NRSN1: variants seen among roughly 807,000 people sequenced by gnomAD.
NRSN1 encodes neurensin 1, also known as neurensin-1.
In NRSN1, 14 loss-of-function variants were observed where a neutral mutation model predicts 17.3. The ratio of observed to expected loss-of-function variants is 0.81; its 90% confidence interval spans 0.54 to 1.27. The LOEUF (loss-of-function observed/expected upper bound fraction) is 1.27, where lower values mean the gene tolerates loss of function less well. NRSN1 is among the 50% of genes most tolerant of loss of function. The pLI, the probability that NRSN1 is intolerant of heterozygous loss-of-function variation, is 0.00. For missense variants in NRSN1, 209 were observed against 235.9 expected (o/e 0.89, Z 0.75); for synonymous variants, 79 against 94.2 (o/e 0.84, Z 0.93).
chr6:24,132,734 T>C (rs1760055323), intron 2 of NRSN1, among the ~76,000 whole-genome samples: 1 of 152,226 alleles, frequency 6.6e-6, no homozygotes, highest in African/African-American at 2.4e-5. Flanking sequence ...CGTACAGGCT[T>C]GTTACATAGG....
chr6:24,141,504 G>GC lies in NRSN1; in HGVS notation c.190-4040dup. ...TTCTCATTAAAGACTGGCATTAACA[G>GC]CCCCTTCAGAAGCCTTGAAGTCAGC... On this transcript the variant is annotated intron_variant, in intron 3 of 3. Coordinates refer to ENST00000378491, the MANE Select transcript of NRSN1 (RefSeq NM_080723.5). 1.2e-5 allele frequency: 2 copies of GC among 163,184 alleles called. 1 individual carries two copies. Among genetic ancestry groups the GC allele is most frequent in the East Asian group, 3.5e-4 (2 of 5,642 alleles). The allele number at this position is 163,184 out of a possible 1,614,324, so 10.1% of individuals were successfully genotyped here.
chr6:24,144,098 C>T (rs1202750967), intron 3 of NRSN1, among the ~76,000 whole-genome samples: 1 of 152,164 alleles, frequency 6.6e-6, no homozygotes, highest in East Asian at 1.9e-4. Flanking sequence ...ATCTGCTATT[C>T]TGAACACTTC....
chr6:24,130,486 T>C (rs1760011264), intron 2 of NRSN1, among the ~76,000 whole-genome samples: 1 of 152,242 alleles, frequency 6.6e-6, no homozygotes, highest in Non-Finnish European at 1.5e-5. Context: ...TCTATCACTC[T>C]AACATGTTAT....
chr6:24,132,577 G>T (rs1194820303), intron 2 of NRSN1, among the ~76,000 whole-genome samples: 1 of 152,138 alleles, frequency 6.6e-6, no homozygotes, highest in Non-Finnish European at 1.5e-5. Context: ...TGATTTATTT[G>T]AAAACACAAA....
At chr6:24,129,214 T>C (rs796716999) in intron 2 of NRSN1, 5 of 152,354 alleles carry the variant, frequency 3.3e-5, no homozygotes, top group African/African-American at 1.2e-4. Flanking sequence ...GTTATGTTTA[T>C]TGCTTCATGA....
chr6:24,133,330 A>T (rs551737034), intron 2 of NRSN1, among the ~76,000 whole-genome samples: 1 of 152,354 alleles, frequency 6.6e-6, no homozygotes, highest in African/African-American at 2.4e-5. Flanking sequence ...AGAGTTAGTG[A>T]GGTGTAAATT....
chr6:24,127,327 A>G (rs1759964547), intron 1 of NRSN1, among the ~76,000 whole-genome samples: 1 of 152,230 alleles, frequency 6.6e-6, no homozygotes, highest in South Asian at 2.1e-4. Flanking sequence ...GGCTGACCCT[A>G]GAAATGCTGA....
chr6:24,135,674 G>C (rs1027499206), intron 3 of NRSN1, among the ~76,000 whole-genome samples: 4 of 152,200 alleles, frequency 2.6e-5, no homozygotes, highest in African/African-American at 7.2e-5. Context: ...ATGCCTATTA[G>C]ACATCGGAGT....
Position 24,147,407 on chromosome 6 carries a change from CT to C in NRSN1, c.*1462del, listed in dbSNP as rs1217779949. ...AATAAAATATGTGAACAAGTGGAAC[CT>C]GAATTGCATTGTCATTCCTTCAGTG... On this transcript the variant is annotated 3_prime_UTR_variant, in exon 4 of 4. Transcript: ENST00000378491. 6.7e-6 allele frequency: 1 copy of C among 150,114 alleles called. No individual in the cohort carries two copies. Among genetic ancestry groups the C allele is most frequent in the Non-Finnish European group, 1.5e-5 (1 of 67,712 alleles). 9.3% of individuals were successfully genotyped at this position (150,114 alleles called of 1,614,324 possible).
rs1459205437 is a variant in NRSN1 at position 24,140,895 on chromosome 6, C to T, written c.190-4653C>T. 4.6e-6 allele frequency: 6 copies of T among 1,308,824 alleles called. No individual in the cohort carries two copies. The African/African-American group carries it at 6.1e-5, about 13-fold the overall frequency. 81.1% of individuals were successfully genotyped at this position (1,308,824 alleles called of 1,614,324 possible). On this transcript the variant is annotated intron_variant, in intron 3 of 3. Coordinates refer to ENST00000378491, the MANE Select transcript of NRSN1 (RefSeq NM_080723.5). ...AATTTCTGGCATATAAATAAGTTCTCTTTCCTTTCCAATTTTCCTTTCCAG... is the reference window on the plus strand; with the variant it reads ...AATTTCTGGCATATAAATAAGTTCTTTTTCCTTTCCAATTTTCCTTTCCAG...
At chr6:24,131,104 G>C (rs1760020236) in intron 2 of NRSN1, among the ~76,000 whole-genome samples, 1 of 152,166 alleles carries the variant, frequency 6.6e-6, no homozygotes, top group Non-Finnish European at 1.5e-5. Flanking sequence ...CTGGAATGTA[G>C]CTGACATAGC....
At chr6:24,129,721 TG>T (rs1280335857) in intron 2 of NRSN1, 25 of 152,350 alleles carry the variant, frequency 1.6e-4, no homozygotes, top group African/African-American at 5.5e-4. Context: ...TGGTAAGAAC[TG>T]AATATTCATT....
chr6:24,138,254 T>C (rs1760146874), intron 3 of NRSN1, among the ~76,000 whole-genome samples: 1 of 152,186 alleles, frequency 6.6e-6, no homozygotes. Context: ...GCTGCATGAC[T>C]ACCTCAGCCA....
intron 3 of NRSN1, chr6:24,140,863 C>G (rs1185288647): frequency 7.7e-7 from 1 of 1,294,150 alleles, no homozygotes. Flanking sequence ...GTAGCCCCCA[C>G]CAGCAGAATT....
chr6:24,135,958 A>C (rs1760112995), intron 3 of NRSN1, among the ~76,000 whole-genome samples: 1 of 152,230 alleles, frequency 6.6e-6, no homozygotes, highest in Non-Finnish European at 1.5e-5. Flanking sequence ...TTTGACATGG[A>C]TATTGACATA....
At chr6:24,128,066 T>G (rs932025221) in intron 1 of NRSN1, 62 bp from the exon 2 acceptor site, 1 of 152,222 alleles carries the variant, frequency 6.6e-6, no homozygotes, top group African/African-American at 2.4e-5. Flanking sequence ...GTTATATGAA[T>G]GACTTATGAA....
intron 3 of NRSN1, among the ~76,000 whole-genome samples, chr6:24,142,600 C>T (rs1381422540): frequency 1.3e-5 from 2 of 152,186 alleles, no homozygotes; most frequent in African/African-American, 2.4e-5. Flanking sequence ...GCTGGGATTA[C>T]TGGCATGCCC....
intron 2 of NRSN1, among the ~76,000 whole-genome samples, chr6:24,130,504 A>G (rs1760011760): frequency 6.6e-6 from 1 of 152,166 alleles, no homozygotes; most frequent in African/African-American, 2.4e-5. Context: ...TATATTTTAA[A>G]ATTCATGTTC....
At chr6:24,136,798 T>C (rs976662243) in intron 3 of NRSN1, among the ~76,000 whole-genome samples, 60 of 152,308 alleles carry the variant, frequency 3.9e-4, no homozygotes, top group African/African-American at 1.4e-3. Flanking sequence ...AAAATATTTA[T>C]TTACTGCTGT....
Sources: gnomAD v4.1 joint callset for allele counts (sites outside exome capture counted in the v4.1 genomes callset) on GRCh38, gnomAD v4.1.1 for gene constraint, MANE v1.5 for transcripts, NCBI Gene and HGNC (gene_info 2026-07-23, HGNC 2026-07-21) for gene names.